The following SCHIP1 variants were observed in gnomAD, a reference collection of about 807,000 sequenced individuals.
SCHIP1 encodes schwannomin interacting protein 1, also known as schwannomin-interacting protein 1.
SCHIP1 carries 8 observed loss-of-function variants against 29.7 expected under a neutral mutation model. The observed-to-expected ratio is 0.27, with a 90% CI of 0.16 to 0.49. The LOEUF (loss-of-function observed/expected upper bound fraction) is 0.49. SCHIP1 is among the 20% of genes least tolerant of loss of function. The pLI, the probability that SCHIP1 is intolerant of heterozygous loss-of-function variation, is 0.99. For synonymous variants in SCHIP1, 76 were observed against 94.9 expected (o/e 0.80, Z 1.16); for missense variants, 193 against 294.6 (o/e 0.66, Z 2.52).
At chr3:159,465,377 AAGAG>A in the SCHIP1 span, among the ~76,000 whole-genome samples, 788 of 149,318 alleles carry the variant, frequency 5.3e-3, 9 homozygotes, top group African/African-American at 0.018. Flanking sequence ...ATTAGAGAGA[AAGAG>A]AGAGAAAGAG....
At chr3:159,563,895 C>T in the SCHIP1 span, among the ~76,000 whole-genome samples, 14 of 152,266 alleles carry the variant, frequency 9.2e-5, no homozygotes, top group African/African-American at 3.4e-4. Flanking sequence ...TGTCCTCTCA[C>T]ATATCTCTTA....
chr3:159,423,286 G>A, the SCHIP1 span, among the ~76,000 whole-genome samples: 1 of 152,228 alleles, frequency 6.6e-6, no homozygotes, highest in East Asian at 1.9e-4. Flanking sequence ...AAGGGGTCAA[G>A]GAGTTCCCTT....
the SCHIP1 span, among the ~76,000 whole-genome samples, chr3:159,484,474 G>A: frequency 6.6e-6 from 1 of 152,092 alleles, no homozygotes; most frequent in African/African-American, 2.4e-5. Context: ...GGTATGAATG[G>A]GAATGGCCTG....
chr3:159,747,441 G>A, the SCHIP1 span, among the ~76,000 whole-genome samples: 2,025 of 152,280 alleles, frequency 0.013, 27 homozygotes, highest in African/African-American at 0.032. Context: ...TGGCAGACTT[G>A]TATTTACATT....
chr3:159,564,970 A>G, the SCHIP1 span, among the ~76,000 whole-genome samples: 2 of 152,234 alleles, frequency 1.3e-5, no homozygotes, highest in Non-Finnish European at 2.9e-5. Flanking sequence ...TCTTCAGTAT[A>G]TATCTAGGAG....
chr3:159,314,786 G>T, the SCHIP1 span, among the ~76,000 whole-genome samples: 1 of 152,150 alleles, frequency 6.6e-6, no homozygotes, highest in Non-Finnish European at 1.5e-5. Context: ...TATTGTTTAA[G>T]CCAATTTGAG....
chr3:159,722,180 A>G, the SCHIP1 span: 5,168 of 200,442 alleles, frequency 0.026, 110 homozygotes, highest in East Asian at 0.059. Flanking sequence ...GTACCATACC[A>G]CCTATTTTCA....
chr3:159,649,049 C>G, the SCHIP1 span, among the ~76,000 whole-genome samples: 2 of 152,092 alleles, frequency 1.3e-5, no homozygotes, highest in East Asian at 3.8e-4. Context: ...GTAAAGAACT[C>G]TGATGGAAGG....
chr3:159,522,821 A>T, the SCHIP1 span, among the ~76,000 whole-genome samples: 1 of 152,240 alleles, frequency 6.6e-6, no homozygotes, highest in South Asian at 2.1e-4. Flanking sequence ...GTGAGCCAAG[A>T]TCCTGCCACT....
chr3:159,288,718 A>G, the SCHIP1 span, among the ~76,000 whole-genome samples: 1 of 152,222 alleles, frequency 6.6e-6, no homozygotes, highest in Non-Finnish European at 1.5e-5. Flanking sequence ...ACAAGAGCGA[A>G]ACTCGGTCTT....
the SCHIP1 span, among the ~76,000 whole-genome samples, chr3:159,277,426 A>G: frequency 1.3e-5 from 2 of 152,084 alleles, no homozygotes; most frequent in Admixed American, 6.6e-5. Flanking sequence ...AAATACAAGC[A>G]TTGTATCTGG....
chr3:159,365,608 C>T, the SCHIP1 span, among the ~76,000 whole-genome samples: 5 of 152,180 alleles, frequency 3.3e-5, no homozygotes, highest in African/African-American at 7.2e-5. Context: ...TTCCTTTCTA[C>T]GCACTACATT....
upstream of SCHIP1, among the ~76,000 whole-genome samples, chr3:159,837,584 G>A (rs530988915): frequency 5.3e-5 from 8 of 152,210 alleles, no homozygotes; most frequent in South Asian, 2.1e-4. Flanking sequence ...TTAGCCGGGC[G>A]TGGTGGTGCG....
the SCHIP1 span, among the ~76,000 whole-genome samples, chr3:159,472,812 T>C: frequency 3.4e-3 from 522 of 152,200 alleles, 10 homozygotes; most frequent in Admixed American, 0.025. Context: ...GTGTGCTGTA[T>C]GAGTGTATGT....
chr3:159,378,260 C>T, the SCHIP1 span, among the ~76,000 whole-genome samples: 1 of 152,154 alleles, frequency 6.6e-6, no homozygotes, highest in Admixed American at 6.5e-5. Flanking sequence ...TTCTGTAGAG[C>T]TGGATCTTCC....
chr3:159,367,581 A>G, the SCHIP1 span, among the ~76,000 whole-genome samples: 2 of 152,208 alleles, frequency 1.3e-5, no homozygotes, highest in Non-Finnish European at 2.9e-5. Context: ...CAAATAATAG[A>G]TGCATAACTG....
chr3:159,595,026 A>G, the SCHIP1 span, among the ~76,000 whole-genome samples: 1 of 152,158 alleles, frequency 6.6e-6, no homozygotes, highest in African/African-American at 2.4e-5. Context: ...AAAGACTGCA[A>G]TCACCCAGCG....
At chr3:159,655,296 A>G in the SCHIP1 span, among the ~76,000 whole-genome samples, 2 of 152,226 alleles carry the variant, frequency 1.3e-5, no homozygotes, top group Non-Finnish European at 2.9e-5. Context: ...GCCTGTGAAC[A>G]ATTTTCAGAT....
the SCHIP1 span, among the ~76,000 whole-genome samples, chr3:159,724,328 G>A: frequency 6.6e-6 from 1 of 152,148 alleles, no homozygotes; most frequent in East Asian, 1.9e-4. Flanking sequence ...AGGAGGAAGG[G>A]CAGGGAAAGA....
Sources: gnomAD v4.1 joint callset for allele counts (sites outside exome capture counted in the v4.1 genomes callset) on GRCh38, gnomAD v4.1.1 for gene constraint, MANE v1.5 for transcripts, NCBI Gene and HGNC (gene_info 2026-07-23, HGNC 2026-07-21) for gene names.